Variants in ARHGAP5 observed in about 807,000 individuals in gnomAD.
ARHGAP5 encodes Rho GTPase activating protein 5.
ARHGAP5 carries 23 observed loss-of-function variants against 116.6 expected under a neutral mutation model. That is an observed-to-expected ratio of 0.20 (90% CI 0.14 to 0.28). ARHGAP5 has a LOEUF of 0.28. Among genes scored for constraint, ARHGAP5 ranks in the 10% least tolerant of loss-of-function variants. The probability of loss-of-function intolerance (pLI) is 1.00; values close to 1 mark genes in which losing one functional copy is unlikely to be tolerated. For synonymous variants in ARHGAP5, 574 were observed against 602.0 expected (o/e 0.95, Z 0.68); for missense variants, 1,405 against 1,774.8 (o/e 0.79, Z 3.74).
chr14:32,077,687 A>G (rs1217415775), intron 1 of ARHGAP5, among the ~76,000 whole-genome samples: 1 of 151,824 alleles, frequency 6.6e-6, no homozygotes, highest in African/African-American at 2.4e-5. Flanking sequence ...CTTTCTCCAC[A>G]GGTGACGGGG....
At chr14:32,086,113 A>G (rs1029324102) in intron 1 of ARHGAP5, among the ~76,000 whole-genome samples, 3 of 152,138 alleles carry the variant, frequency 2.0e-5, no homozygotes, top group Non-Finnish European at 2.9e-5. Flanking sequence ...AATAAGGTGT[A>G]TAGTAAGTTA....
In ARHGAP5 at chr14:32,090,498, A is replaced by G. The variant is rs552767172; in HGVS notation, c.-168-4A>G. Reference sequence around the variant, plus strand: ...GATTTGTTCTTTTTCTCCCCTCTCTATAGGAAGATGATCCCTATGATCTTG... The same window carrying G: ...GATTTGTTCTTTTTCTCCCCTCTCTGTAGGAAGATGATCCCTATGATCTTG... On this transcript the variant is annotated splice_polypyrimidine_tract_variant and splice_region_variant and intron_variant, in intron 1 of 6. Coordinates refer to ENST00000345122, the MANE Select transcript of ARHGAP5 (RefSeq NM_001030055.2). 1 of 571,130 alleles carries G rather than the reference A, an allele frequency of 1.8e-6. No homozygotes were observed. Among genetic ancestry groups the G allele is most frequent in the South Asian group, 2.8e-5 (1 of 35,674 alleles). The allele number at this position is 571,130 out of a possible 1,614,324, so 35.4% of individuals were successfully genotyped here.
At chr14:32,098,310 G>T (rs144425614) in intron 2 of ARHGAP5, among the ~76,000 whole-genome samples, 1 of 152,198 alleles carries the variant, frequency 6.6e-6, no homozygotes, top group Non-Finnish European at 1.5e-5. Flanking sequence ...GTTTACTGCT[G>T]TCTCTCAAAC....
At chr14:32,097,677 T>C (rs1329118077) in intron 2 of ARHGAP5, among the ~76,000 whole-genome samples, 1 of 152,132 alleles carries the variant, frequency 6.6e-6, no homozygotes, top group Non-Finnish European at 1.5e-5. Context: ...AAATTGTCAC[T>C]ATTAGCTCAT....
chr14:32,139,785 G>T (rs985914722), intron 3 of ARHGAP5, among the ~76,000 whole-genome samples: 3 of 150,448 alleles, frequency 2.0e-5, no homozygotes, highest in African/African-American at 7.3e-5. Flanking sequence ...CTTAAAGTTG[G>T]AATCTTTTTA....
chr14:32,105,441 T>A (rs1878966617), intron 2 of ARHGAP5, among the ~76,000 whole-genome samples: 1 of 152,156 alleles, frequency 6.6e-6, no homozygotes, highest in African/African-American at 2.4e-5. Flanking sequence ...GAAATAAAGA[T>A]TCTATTTTGA....
chr14:32,098,697 G>A (rs1189122052), intron 2 of ARHGAP5, among the ~76,000 whole-genome samples: 1 of 152,292 alleles, frequency 6.6e-6, no homozygotes, highest in South Asian at 2.1e-4. Flanking sequence ...TATGTAAACC[G>A]ATGAACATAG....
intron 2 of ARHGAP5, among the ~76,000 whole-genome samples, chr14:32,115,793 A>G (rs1328615867): frequency 6.9e-6 from 1 of 144,200 alleles, no homozygotes; most frequent in Non-Finnish European, 1.5e-5. Flanking sequence ...AACATGGTGA[A>G]ACCCCATCTC....
rs1269595982 is a variant in ARHGAP5 at position 32,158,255 on chromosome 14, A to G, written c.*3307A>G. 6.6e-6 allele frequency: 1 copy of G among 151,786 alleles called. No homozygotes were observed. The highest frequency in any genetic ancestry group is 2.4e-5 in the African/African-American group (1 of 41,408). The allele number at this position is 151,786 out of a possible 1,614,324, so 9.4% of individuals were successfully genotyped here. A position where few individuals can be genotyped will look rare whatever the true frequency, so the allele number is the denominator to read the frequency against. On this transcript the variant is annotated 3_prime_UTR_variant, in exon 7 of 7. Coordinates refer to ENST00000345122, the MANE Select transcript of ARHGAP5 (RefSeq NM_001030055.2). ...CAATATGATGGAAATCTTATTAAGG[A>G]GATGTATTATTGAATTTTCACTGTA...
chr14:32,124,797 A>T (rs1460772131), intron 3 of ARHGAP5, among the ~76,000 whole-genome samples: 1 of 152,132 alleles, frequency 6.6e-6, no homozygotes, highest in Non-Finnish European at 1.5e-5. Context: ...TTTAGATATG[A>T]TTTTGGTAAT....
intron 1 of ARHGAP5, among the ~76,000 whole-genome samples, chr14:32,080,783 TTTC>T (rs201508947): frequency 4.6e-4 from 70 of 152,006 alleles, no homozygotes; most frequent in African/African-American, 1.5e-3. Flanking sequence ...TAATTTTTTT[TTTC>T]CCCCCACTGT....
At chr14:32,146,175 T>A in intron 3 of ARHGAP5, 88 bp from the exon 4 acceptor site, 1 of 967,938 alleles carries the variant, frequency 1.0e-6, no homozygotes, top group East Asian at 2.6e-5. Context: ...CCTCCCAGAG[T>A]GCTGGGATTA....
At chr14:32,140,094 G>GTT (rs1566681674) in intron 3 of ARHGAP5, among the ~76,000 whole-genome samples, 1 of 32,450 alleles carries the variant, frequency 3.1e-5, no homozygotes, top group Non-Finnish European at 5.6e-5. Flanking sequence ...TAGGTTATTT[G>GTT]TTCTTTTTTT....
At chr14:32,106,993 G>T (rs188435151) in intron 2 of ARHGAP5, among the ~76,000 whole-genome samples, 78 of 152,140 alleles carry the variant, frequency 5.1e-4, no homozygotes, top group African/African-American at 1.9e-3. Flanking sequence ...TCTACCCTTT[G>T]AATCCAGATT....
intron 1 of ARHGAP5, among the ~76,000 whole-genome samples, chr14:32,081,151 G>C (rs2041768074): frequency 6.6e-6 from 1 of 152,118 alleles, no homozygotes; most frequent in Admixed American, 6.5e-5. Flanking sequence ...CAGCAAGCAT[G>C]ACACTTTAAG....
At chr14:32,079,125 T>C (rs1042273186) in intron 1 of ARHGAP5, among the ~76,000 whole-genome samples, 2 of 152,246 alleles carry the variant, frequency 1.3e-5, no homozygotes, top group African/African-American at 4.8e-5. Flanking sequence ...AGGCTGCGCA[T>C]ACCTATGCTT....
chr14:32,152,341 T>A, intron 5 of ARHGAP5, 82 bp from the exon 6 acceptor site: 1 of 908,844 alleles, frequency 1.1e-6, no homozygotes, highest in East Asian at 2.6e-5. Context: ...TTGACTGTTA[T>A]AGTAAATATA....
chr14:32,077,456 C>G lies in ARHGAP5; in HGVS notation c.-169+21C>G, dbSNP rs1369048419. 15 of 696,660 alleles carry G rather than the reference C, an allele frequency of 2.2e-5. No homozygotes were observed. The South Asian group carries it at 2.2e-4, about 10-fold the overall frequency. 43.2% of individuals were successfully genotyped at this position (696,660 alleles called of 1,614,324 possible). A position where few individuals can be genotyped will look rare whatever the true frequency, so the allele number is the denominator to read the frequency against. On this transcript the variant is annotated intron_variant, in intron 1 of 6. Transcript: ENST00000345122. ...GTTAGGTAGGACCTTGCGGACCCCG[C>G]TCCTCCAAGCCTGCCTGCCCCCTCC... is the stretch of plus-strand genomic sequence containing the variant.
intron 3 of ARHGAP5, among the ~76,000 whole-genome samples, chr14:32,123,703 C>T (rs963493658): frequency 6.6e-6 from 1 of 152,014 alleles, no homozygotes; most frequent in African/African-American, 2.4e-5. Context: ...CTCGGTGCTT[C>T]TCCTTGGCTG....
Sources: allele counts gnomAD v4.1 joint callset (sites outside exome capture counted in the v4.1 genomes callset), GRCh38; gene constraint gnomAD v4.1.1; transcripts MANE v1.5; gene names NCBI Gene and HGNC (gene_info 2026-07-23, HGNC 2026-07-21).